RGS3: variants seen among roughly 807,000 people sequenced by gnomAD.
The protein encoded by RGS3 is regulator of G protein signaling 3, also known as regulator of G-protein signalling 3.
RGS3 carries 80 observed loss-of-function variants against 132.6 expected under a neutral mutation model. The ratio of observed to expected loss-of-function variants is 0.60; its 90% CI spans 0.50 to 0.73. The LOEUF (loss-of-function observed/expected upper bound fraction) is 0.73, where lower values mean the gene tolerates loss of function less well. RGS3 is among the 30% of genes least tolerant of loss of function. The pLI is 0.00. For missense variants in RGS3, 1,382 were observed against 1,530.8 expected (o/e 0.90, Z 1.62); for synonymous variants, 598 against 620.6 (o/e 0.96, Z 0.54).
At chr9:113,573,539 T>C (rs1834379658) in intron 19 of RGS3, among the ~76,000 whole-genome samples, 1 of 152,224 alleles carries the variant, frequency 6.6e-6, no homozygotes, top group South Asian at 2.1e-4. Flanking sequence ...GCTGACCTCA[T>C]GACTGCAGTG....
chr9:113,505,555 C>G (rs765268654), intron 11 of RGS3, 32 bp downstream of exon 9: 9 of 1,559,826 alleles, frequency 5.8e-6, no homozygotes. Flanking sequence ...GCCAACCCCA[C>G]TTGCCCACCA....
At chr9:113,523,173 G>A (rs766993609) in intron 17 of RGS3, 132 bp downstream of exon 15, 30 of 648,494 alleles carry the variant, frequency 4.6e-5, no homozygotes, top group Non-Finnish European at 7.5e-5. Flanking sequence ...CTCTGTCCAT[G>A]GGCTAGTAGG....
chr9:113,452,330 A>T (rs149266836), intron 1 of RGS3, among the ~76,000 whole-genome samples: 2 of 151,450 alleles, frequency 1.3e-5, no homozygotes, highest in African/African-American at 4.8e-5. Flanking sequence ...TACATTAAAG[A>T]TATTGCTTCC....
At chr9:113,533,759 C>T (rs943174951) in intron 18 of RGS3, among the ~76,000 whole-genome samples, 1 of 152,182 alleles carries the variant, frequency 6.6e-6, no homozygotes. Context: ...GTTCCTGCCT[C>T]ACCCCCCACC....
intron 14 of RGS3, among the ~76,000 whole-genome samples, 160 bp from the exon 13 acceptor site, chr9:113,514,298 A>G (rs7026568): frequency 0.12 from 18,049 of 152,176 alleles, 1,285 homozygotes; most frequent in African/African-American, 0.19. Context: ...GCCCATGTGA[A>G]GCCTCCCTGT....
intron 3 of RGS3, among the ~76,000 whole-genome samples, chr9:113,475,790 G>T (rs1261490511): frequency 2.0e-5 from 3 of 151,976 alleles, no homozygotes; most frequent in African/African-American, 4.8e-5. Context: ...GGGTGGGGGG[G>T]GTGTTCTGAA....
At chr9:113,453,118 T>TA (rs1829292714) in intron 1 of RGS3, among the ~76,000 whole-genome samples, 1 of 132,902 alleles carries the variant, frequency 7.5e-6, no homozygotes, top group Non-Finnish European at 1.5e-5. Context: ...TACATACTCA[T>TA]TATATGATTA....
intron 19 of RGS3, among the ~76,000 whole-genome samples, chr9:113,572,939 C>T (rs1834355066): frequency 6.6e-6 from 1 of 152,214 alleles, no homozygotes; most frequent in Non-Finnish European, 1.5e-5. Flanking sequence ...ACGTCAAGTG[C>T]CCTGTCCCGG....
chr9:113,445,770 C>T (rs965111086), intron 1 of RGS3, among the ~76,000 whole-genome samples: 1 of 152,168 alleles, frequency 6.6e-6, no homozygotes, highest in Non-Finnish European at 1.5e-5. Context: ...CCTCCGCCGC[C>T]TGGGTTCAAG....
rs57845277 is a variant in RGS3 at position 113,594,109 on chromosome 9, C to A, written c.3081-321C>A. 35 of 1,613,002 alleles carry A rather than the reference C, an allele frequency of 2.2e-5. No homozygotes were observed. The highest frequency in any genetic ancestry group is 3.3e-5 in the Admixed American group (2 of 60,012). Reference sequence around the variant, plus strand: ...GCTCCTCCTGTCTGAGTCCCAGCCCCGGCTTGTGCCTGGGAGTCCAGTCAT... The same window carrying A: ...GCTCCTCCTGTCTGAGTCCCAGCCCAGGCTTGTGCCTGGGAGTCCAGTCAT... On this transcript the variant is annotated intron_variant, in intron 21 of 24. Coordinates refer to ENST00000350696, the Ensembl canonical transcript of RGS3.
exon 7 of RGS3, chr9:113,485,628 T>C (rs1489216087): frequency 1.9e-6 from 3 of 1,596,036 alleles, no homozygotes; most frequent in Non-Finnish European, 2.6e-6. Flanking sequence ...TTCGCAGTCC[T>C]GTCCAAGAGG....
chr9:113,590,551 T>C (rs1423319185), intron 20 of RGS3, among the ~76,000 whole-genome samples: 4 of 150,078 alleles, frequency 2.7e-5, no homozygotes, highest in Non-Finnish European at 5.9e-5. Flanking sequence ...CATCCACCTA[T>C]CCACATATCC....
chr9:113,477,600 T>A (rs1236708181), intron 3 of RGS3, among the ~76,000 whole-genome samples: 1 of 152,136 alleles, frequency 6.6e-6, no homozygotes, highest in African/African-American at 2.4e-5. Context: ...TGAGGGGATG[T>A]CTCACTGTGC....
chr9:113,524,750 C>T (rs2119420769), intron 17 of RGS3, among the ~76,000 whole-genome samples: 1 of 152,356 alleles, frequency 6.6e-6, no homozygotes, highest in South Asian at 2.1e-4. Context: ...ACACAGAACC[C>T]CAGAGCTTGC....
chr9:113,453,219 C>T (rs187996438), intron 1 of RGS3, among the ~76,000 whole-genome samples: 1,264 of 89,692 alleles, frequency 0.014, 15 homozygotes, highest in African/African-American at 0.031. Flanking sequence ...TATATGATTA[C>T]ATAATATACT....
intron 19 of RGS3, among the ~76,000 whole-genome samples, chr9:113,543,372 G>T (rs1016926264): frequency 3.9e-5 from 6 of 152,208 alleles, no homozygotes; most frequent in African/African-American, 1.4e-4. Flanking sequence ...ACCTAGGAAA[G>T]ATCAGACATA....
rs1831258490 is a variant in RGS3 at position 113,508,645 on chromosome 9, G to A, written c.1477+65G>A. The A allele has an allele frequency of 2.1e-5, 32 of 1,560,262 alleles. 1 individual carries two copies. The South Asian group carries it at 3.6e-4, about 17-fold the overall frequency. On this transcript the variant is annotated intron_variant, in intron 14 of 24. Coordinates refer to ENST00000350696, the Ensembl canonical transcript of RGS3. Reference sequence around the variant, plus strand: ...AGGCAGCAGGGGTCAGCTGAGGCCTGGCCCAGCCTCCGCCCCTGAGTTCTG... The same window carrying A: ...AGGCAGCAGGGGTCAGCTGAGGCCTAGCCCAGCCTCCGCCCCTGAGTTCTG...
intron 19 of RGS3, among the ~76,000 whole-genome samples, chr9:113,559,223 T>C (rs1050587318): frequency 6.6e-6 from 1 of 152,230 alleles, no homozygotes; most frequent in Non-Finnish European, 1.5e-5. Context: ...GAACATGGGC[T>C]GACAGGACAC....
At position 113,468,229 on chromosome 9, in the gene RGS3, G is replaced by C. The variant is rs1829711952; in HGVS notation, c.415+6028G>C. ...TGATCCACTTTGAGTTAATTTTTGT[G>C]TATGGTATGAGGTAAGAGTTCAACT... On this transcript the variant is annotated intron_variant, in intron 3 of 24. Transcript: ENST00000350696. Among the ~76,000 whole-genome samples, 3 of 152,148 alleles carry C rather than the reference G, an allele frequency of 2.0e-5. No individual in the cohort carries two copies. The South Asian group carries it at 6.2e-4, about 32-fold the overall frequency.
Sources: gnomAD v4.1 joint callset for allele counts (sites outside exome capture counted in the v4.1 genomes callset) on GRCh38, gnomAD v4.1.1 for gene constraint, MANE v1.5 for transcripts, NCBI Gene and HGNC (gene_info 2026-07-23, HGNC 2026-07-21) for gene names.